Variants in ZBTB8B observed in about 807,000 individuals in gnomAD.
The protein encoded by ZBTB8B is zinc finger and BTB domain containing 8B.
ZBTB8B carries 17 observed loss-of-function variants against 30.3 expected under a neutral mutation model. The ratio of observed to expected loss-of-function variants is 0.56; its 90% CI spans 0.38 to 0.84. ZBTB8B has a LOEUF of 0.84. Ranked by LOEUF, ZBTB8B falls within the 40% of genes least tolerant of loss-of-function variation. The pLI, the probability that ZBTB8B is intolerant of heterozygous loss-of-function variation, is 0.00. For synonymous variants in ZBTB8B, 248 were observed against 255.6 expected (o/e 0.97, Z 0.28); for missense variants, 515 against 644.9 (o/e 0.80, Z 2.18).
chr1:32,479,487 C>T (rs1366978617), intron 2 of ZBTB8B, among the ~76,000 whole-genome samples: 1 of 152,054 alleles, frequency 6.6e-6, no homozygotes, highest in East Asian at 1.9e-4. Context: ...CGTGTCACTG[C>T]ACTCCAGCCT....
Position 32,481,015 on chromosome 1 carries a change from G to A in ZBTB8B, c.1116G>A (p.Glu372=). Residue 372 remains glutamate, a synonymous_variant, in exon 3 of 4, where the codon GAG becomes GAA. Coordinates refer to ENST00000609129, the MANE Select transcript of ZBTB8B (RefSeq NM_001145720.2). ...SHTGERPYPC[E]TCGKRFTRQE... is the part of the protein sequence containing the mutation. ...CAGGCGAGCGGCCCTACCCCTGTGA[G>A]ACCTGCGGCAAGAGGTTCACTCGAC... 1 of 1,552,284 alleles carries A rather than the reference G, an allele frequency of 6.4e-7. No homozygotes were observed. Among genetic ancestry groups the A allele is most frequent in the Non-Finnish European group, 8.7e-7 (1 of 1,147,176 alleles).
rs1241577566 is a variant in ZBTB8B at position 32,465,072 on chromosome 1, G to C, written c.-75G>C. 1 of 152,296 alleles carries C rather than the reference G, an allele frequency of 6.6e-6. No individual in the cohort carries two copies. Among genetic ancestry groups the C allele is most frequent in the Non-Finnish European group, 1.5e-5 (1 of 68,090 alleles). The allele number at this position is 152,296 out of a possible 1,614,324, so 9.4% of individuals were successfully genotyped here. A position where few individuals can be genotyped will look rare whatever the true frequency, so the allele number is the denominator to read the frequency against. On this transcript the variant is annotated 5_prime_UTR_variant, in exon 1 of 4. Transcript: ENST00000609129. This position sits in a 1 kb window ranked among gnomAD's most constrained non-coding sequence, Gnocchi z 4.1. ...AAAGGGGGGCGTGTCGGTGCGCGGT[G>C]CTCCGTGGCTGCGCTGCTGGAACCC... is the stretch of plus-strand genomic sequence containing the variant.
In ZBTB8B at chr1:32,494,517, T is replaced by C. The variant is rs1465364546; in HGVS notation, c.*9099T>C. 1.3e-5 allele frequency: 2 copies of C among 152,120 alleles called. No homozygotes were observed. Among genetic ancestry groups the C allele is most frequent in the African/African-American group, 4.8e-5 (2 of 41,428 alleles). 9.4% of individuals were successfully genotyped at this position (152,120 alleles called of 1,614,324 possible). On this transcript the variant is annotated 3_prime_UTR_variant, in exon 4 of 4. Coordinates refer to ENST00000609129, the MANE Select transcript of ZBTB8B (RefSeq NM_001145720.2). ...TAAAGTATGCATTGTGTGATTATGG[T>C]CTGCATTCTTGCAATGCTTAGACAG...
At chr1:32,473,834 T>A (rs2148182206) in intron 2 of ZBTB8B, among the ~76,000 whole-genome samples, 1 of 151,934 alleles carries the variant, frequency 6.6e-6, no homozygotes, top group East Asian at 1.9e-4. Context: ...CTTGAAACTT[T>A]CTAATTTCTG....
rs1178425180 is a variant in ZBTB8B, at chr1:32,465,489, G to A, written c.-42+384G>A. 1.3e-5 allele frequency among the ~76,000 whole-genome samples: 2 copies of A among 152,268 alleles called. No individual in the cohort carries two copies. Among genetic ancestry groups the A allele is most frequent in the Non-Finnish European group, 2.9e-5 (2 of 68,048 alleles). ...GGCCATGGGAGGGGCTAGGCCTTGG[G>A]GTCCCACCCTCGGGGGCCGTGCCCT... On this transcript the variant is annotated intron_variant, in intron 1 of 3. Coordinates refer to ENST00000609129, the MANE Select transcript of ZBTB8B (RefSeq NM_001145720.2). This position sits in a 1 kb window ranked among gnomAD's most constrained non-coding sequence, Gnocchi z 4.1.
chr1:32,471,847 C>T (rs1402719416), intron 2 of ZBTB8B, among the ~76,000 whole-genome samples: 1 of 151,956 alleles, frequency 6.6e-6, no homozygotes, highest in Non-Finnish European at 1.5e-5. Context: ...CCAGTACCAT[C>T]ATCATCATTA....
Position 32,490,596 on chromosome 1 carries a change from CT to C in ZBTB8B, c.*5187del, listed in dbSNP as rs548862326. The C allele has an allele frequency of 2.4e-4, 36 of 151,430 alleles. No individual in the cohort carries two copies. Among genetic ancestry groups the C allele is most frequent in the Non-Finnish European group, 4.4e-4 (30 of 67,858 alleles). The allele number at this position is 151,430 out of a possible 1,614,324, so 9.4% of individuals were successfully genotyped here. ...TTGTTGTTGTTGTTGTTTTTCTTTT[CT>C]TTTTTTTTCTGAGACGGAGTCTCGC... On this transcript the variant is annotated 3_prime_UTR_variant, in exon 4 of 4. Transcript: ENST00000609129.
intron 2 of ZBTB8B, among the ~76,000 whole-genome samples, chr1:32,480,365 C>T (rs369251431): frequency 2.0e-5 from 3 of 152,258 alleles, no homozygotes; most frequent in South Asian, 4.1e-4. Flanking sequence ...TATAAGGAAA[C>T]CAGTCCTATC....
rs1486826467 is a variant in ZBTB8B at position 32,471,417 on chromosome 1, G to A, written c.793G>A (p.Gly265Ser). ...CCACGTGGAGGAGGCCTTGCCAAGCGGCCAGGCGGTTGACTTGGCTTACAG... is the reference window on the plus strand; with the variant it reads ...CCACGTGGAGGAGGCCTTGCCAAGCAGCCAGGCGGTTGACTTGGCTTACAG... ...LAHVEEALPS[G>S]QAVDLAYSNY... The change falls in exon 2 of 4, where the codon GGC (glycine) becomes AGC (serine). Residue 265 changes from glycine to serine, a missense_variant. Gly to Ser is a moderately conservative substitution (Grantham distance 56, BLOSUM62 0). Around this residue, in one of 3 missense-constraint regions of ZBTB8B, gnomAD observed 429 missense variants for 504.3 expected, o/e 0.85. Transcript: ENST00000609129. 1.7e-5 allele frequency: 26 copies of A among 1,551,832 alleles called. No homozygotes were observed. The highest frequency in any genetic ancestry group is 5.9e-5 in the Admixed American group (3 of 51,014).
chr1:32,489,631 T>C lies in ZBTB8B; in HGVS notation c.*4213T>C, dbSNP rs1643766840. The stretch of plus-strand genomic sequence containing the variant: ...ACCGTTAGTGGTTTAGTTTCTATTC[T>C]GGCACATTCCACCCAAGTTCACAAA... On this transcript the variant is annotated 3_prime_UTR_variant, in exon 4 of 4. Coordinates refer to ENST00000609129, the MANE Select transcript of ZBTB8B (RefSeq NM_001145720.2). 1 of 152,218 alleles carries C rather than the reference T, an allele frequency of 6.6e-6. No homozygotes were observed. The highest frequency in any genetic ancestry group is 1.5e-5 in the Non-Finnish European group (1 of 68,036). 9.4% of individuals were successfully genotyped at this position (152,218 alleles called of 1,614,324 possible). A position where few individuals can be genotyped will look rare whatever the true frequency, so the allele number is the denominator to read the frequency against.
At chr1:32,476,937 T>C (rs1643668746) in intron 2 of ZBTB8B, among the ~76,000 whole-genome samples, 2 of 152,348 alleles carry the variant, frequency 1.3e-5, no homozygotes, top group East Asian at 3.9e-4. Flanking sequence ...TAGTGAGTGC[T>C]CAGTATAAAT....
At chr1:32,473,451 A>C (rs998851598) in intron 2 of ZBTB8B, among the ~76,000 whole-genome samples, 2 of 152,034 alleles carry the variant, frequency 1.3e-5, no homozygotes, top group Non-Finnish European at 2.9e-5. Flanking sequence ...TCTGAAGTGA[A>C]AGTCTTTTAA....
intron 1 of ZBTB8B, among the ~76,000 whole-genome samples, chr1:32,468,968 T>C (rs1643595171): frequency 1.3e-5 from 2 of 151,858 alleles, no homozygotes; most frequent in Admixed American, 6.6e-5. Flanking sequence ...GGCAGGAGGA[T>C]CGCTTGAGGC....
intron 2 of ZBTB8B, among the ~76,000 whole-genome samples, chr1:32,473,997 C>T (rs1372603604): frequency 2.0e-5 from 3 of 151,562 alleles, no homozygotes; most frequent in Non-Finnish European, 4.4e-5. Flanking sequence ...ATTACAGGCA[C>T]GTGCCACCAT....
In ZBTB8B at chr1:32,484,955, C is replaced by T; in HGVS notation, c.1171-146C>T. 1 of 709,832 alleles carries T rather than the reference C, an allele frequency of 1.4e-6. No homozygotes were observed. The highest frequency in any genetic ancestry group is 1.9e-5 in the South Asian group (1 of 53,192). The allele number at this position is 709,832 out of a possible 1,614,324, so 44.0% of individuals were successfully genotyped here. A position where few individuals can be genotyped will look rare whatever the true frequency, so the allele number is the denominator to read the frequency against. On this transcript the variant is annotated intron_variant, in intron 3 of 3. Coordinates refer to ENST00000609129, the MANE Select transcript of ZBTB8B (RefSeq NM_001145720.2). This position sits in a 1 kb window ranked among gnomAD's most constrained non-coding sequence, Gnocchi z 4.5. ...TTCTTTATAGCAGTGCAAGAACAGACTAATACAAAGACTGTGGCAGAGAAT... is the reference window on the plus strand; with the variant it reads ...TTCTTTATAGCAGTGCAAGAACAGATTAATACAAAGACTGTGGCAGAGAAT...
At chr1:32,473,906 A>C (rs1384974114) in intron 2 of ZBTB8B, among the ~76,000 whole-genome samples, 2 of 151,964 alleles carry the variant, frequency 1.3e-5, no homozygotes, top group Admixed American at 1.3e-4. Context: ...GCTGGAGTGC[A>C]GTGGTGCGAT....
At position 32,485,810 on chromosome 1, in the gene ZBTB8B, A is replaced by C. The variant is rs1643740953; in HGVS notation, c.*392A>C. Reference sequence around the variant, plus strand: ...CATCCTCTTTCTCTAAAAACCATTAAGTTTTGGGATCAAGTTTACCTTTGC... The same window carrying C: ...CATCCTCTTTCTCTAAAAACCATTACGTTTTGGGATCAAGTTTACCTTTGC... On this transcript the variant is annotated 3_prime_UTR_variant, in exon 4 of 4. Coordinates refer to ENST00000609129, the MANE Select transcript of ZBTB8B (RefSeq NM_001145720.2). 2 of 175,814 alleles carry C rather than the reference A, an allele frequency of 1.1e-5. No homozygotes were observed. The highest frequency in any genetic ancestry group is 2.4e-5 in the Non-Finnish European group (2 of 81,740). 10.9% of individuals were successfully genotyped at this position (175,814 alleles called of 1,614,324 possible). A position where few individuals can be genotyped will look rare whatever the true frequency, so the allele number is the denominator to read the frequency against.
At chr1:32,476,738 G>A (rs1320067789) in intron 2 of ZBTB8B, among the ~76,000 whole-genome samples, 3 of 150,598 alleles carry the variant, frequency 2.0e-5, no homozygotes, top group East Asian at 1.9e-4. Flanking sequence ...GCAGTGAGCC[G>A]AGGTCGCACC....
chr1:32,480,175 C>T (rs1643693744), intron 2 of ZBTB8B, among the ~76,000 whole-genome samples: 1 of 152,052 alleles, frequency 6.6e-6, no homozygotes, highest in Admixed American at 6.6e-5. Flanking sequence ...GTTCTAGAGG[C>T]TCCAGCAGAG....
Sources: allele counts gnomAD v4.1 joint callset (sites outside exome capture counted in the v4.1 genomes callset), GRCh38; gene constraint gnomAD v4.1.1; regional missense constraint gnomAD v4.1.1; non-coding constraint Gnocchi (gnomAD v3.1); transcripts MANE v1.5; gene names NCBI Gene and HGNC (gene_info 2026-07-23, HGNC 2026-07-21).